Variants in NPFFR1 observed in about 807,000 individuals in gnomAD.
NPFFR1 encodes neuropeptide FF receptor 1, also known as G-protein coupled receptor 147.
A neutral mutation model predicts 12.7 loss-of-function variants in NPFFR1; 17 were observed. That is an observed-to-expected ratio of 1.34 (90% CI 0.92 to 2.01). The LOEUF is 2.01. NPFFR1 is among the 30% of genes most tolerant of loss of function. The pLI, the probability that NPFFR1 is intolerant of heterozygous loss-of-function variation, is 0.00. For synonymous variants in NPFFR1, 296 were observed against 264.5 expected (o/e 1.12, Z -1.16); for missense variants, 604 against 606.5 (o/e 1.00, Z 0.04).
chr10:70,266,102 G>A lies in NPFFR1; in HGVS notation c.297C>T (p.Thr99=), dbSNP rs1376380439. 3.7e-6 allele frequency: 6 copies of A among 1,613,952 alleles called. No homozygotes were observed. The highest frequency in any genetic ancestry group is 1.7e-5 in the Admixed American group (1 of 60,026). The change falls in exon 2 of 4, where the codon ACC becomes ACT. Residue 99 remains threonine, a synonymous_variant. Coordinates refer to ENST00000277942, the MANE Select transcript of NPFFR1 (RefSeq NM_022146.5). ...DLLVGIFCMP[T]TLVDNLITGW... ...CAGTGATGAGGTTGTCCACAAGGGT[G>A]GTGGGCATGCAGAAGATGCCCACCA... is the stretch of plus-strand genomic sequence containing the variant.
At chr10:70,280,385 A>G (rs2136812310) in intron 1 of NPFFR1, among the ~76,000 whole-genome samples, 1 of 152,254 alleles carries the variant, frequency 6.6e-6, no homozygotes, top group South Asian at 2.1e-4. Context: ...ATCTCCAACA[A>G]CACTTACTTA....
In NPFFR1 at chr10:70,266,220, C is replaced by G; in HGVS notation, c.179G>C (p.Gly60Ala). The G allele has an allele frequency of 1.2e-6, 2 of 1,613,938 alleles. No individual in the cohort carries two copies. The highest frequency in any genetic ancestry group is 1.3e-5 in the African/African-American group (1 of 75,026). The change falls in exon 2 of 4, where the codon GGC (glycine) becomes GCC (alanine). Residue 60 changes from glycine to alanine, a missense_variant. Coordinates refer to ENST00000277942, the MANE Select transcript of NPFFR1 (RefSeq NM_022146.5). ...CACGATGAAACAGACCAGGGTGTTG[C>G]CCACCATGCAGAGCAGGAAGATGAG... ...YALIFLLCMV[G>A]NTLVCFIVLK...
chr10:70,259,530 G>C (rs895538352), intron 3 of NPFFR1, among the ~76,000 whole-genome samples: 3 of 152,138 alleles, frequency 2.0e-5, no homozygotes, highest in Admixed American at 6.6e-5. Context: ...ATGAAGGGAA[G>C]GGACTTCTCC....
intron 3 of NPFFR1, among the ~76,000 whole-genome samples, chr10:70,257,425 T>C (rs191354454): frequency 2.0e-5 from 3 of 152,370 alleles, no homozygotes; most frequent in Admixed American, 6.5e-5. Flanking sequence ...GTGCAGGACA[T>C]GCCTTGTTAA....
At chr10:70,275,907 G>T (rs1043291499) in intron 1 of NPFFR1, among the ~76,000 whole-genome samples, 1 of 152,172 alleles carries the variant, frequency 6.6e-6, no homozygotes, top group Non-Finnish European at 1.5e-5. Flanking sequence ...CTTGCTCTAA[G>T]AATACAGCAT....
At chr10:70,272,301 C>G (rs1200619916) in intron 1 of NPFFR1, among the ~76,000 whole-genome samples, 1 of 151,942 alleles carries the variant, frequency 6.6e-6, no homozygotes, top group Non-Finnish European at 1.5e-5. Context: ...ATGAGCTTAA[C>G]CCAGAATCAG....
At chr10:70,283,590 G>T in intron 1 of NPFFR1, 80 bp downstream of exon 1, 1 of 1,343,804 alleles carries the variant, frequency 7.4e-7, no homozygotes, top group Non-Finnish European at 1.0e-6. Flanking sequence ...CAGCTGCCCG[G>T]CCCTCTCCTC....
At chr10:70,279,585 G>A (rs1840838608) in intron 1 of NPFFR1, among the ~76,000 whole-genome samples, 1 of 151,800 alleles carries the variant, frequency 6.6e-6, no homozygotes, top group Non-Finnish European at 1.5e-5. Flanking sequence ...TCAGCTTCCC[G>A]AGTAGCTGGG....
intron 1 of NPFFR1, among the ~76,000 whole-genome samples, chr10:70,270,424 G>C (rs1840734223): frequency 6.6e-6 from 1 of 152,214 alleles, no homozygotes; most frequent in African/African-American, 2.4e-5. Context: ...GGGGGGATCT[G>C]TGGGTATGGA....
intron 3 of NPFFR1, among the ~76,000 whole-genome samples, chr10:70,259,287 C>T (rs1413857943): frequency 2.0e-5 from 3 of 147,654 alleles, no homozygotes; most frequent in South Asian, 2.1e-4. Flanking sequence ...CTGTCTCCCC[C>T]CTCAAAAAAA....
intron 1 of NPFFR1, among the ~76,000 whole-genome samples, chr10:70,279,842 C>T (rs1840841431): frequency 6.6e-6 from 1 of 152,170 alleles, no homozygotes; most frequent in Admixed American, 6.6e-5. Flanking sequence ...AAAAAGAAAA[C>T]CATTTCTTCT....
chr10:70,275,254 T>C (rs1840791973), intron 1 of NPFFR1, among the ~76,000 whole-genome samples: 1 of 152,220 alleles, frequency 6.6e-6, no homozygotes, highest in African/African-American at 2.4e-5. Context: ...GTTTTACCCA[T>C]CAAAAATTGT....
intron 1 of NPFFR1, among the ~76,000 whole-genome samples, chr10:70,267,778 TG>T (rs558494336): frequency 1.8e-3 from 281 of 152,230 alleles, no homozygotes; most frequent in Non-Finnish European, 1.8e-3. Context: ...CAATGGAGGC[TG>T]GGGGCCTGGA....
In NPFFR1 at chr10:70,255,692, C is replaced by T; in HGVS notation, c.558G>A (p.Glu186=). 1.9e-6 allele frequency: 3 copies of T among 1,605,512 alleles called. No individual in the cohort carries two copies. The highest frequency in any genetic ancestry group is 1.7e-6 in the Non-Finnish European group (2 of 1,176,332). Residue 186 remains glutamate (E), a synonymous_variant, in exon 4 of 4, where the codon GAG becomes GAA. Transcript: ENST00000277942. This position sits in a 1 kb window ranked among gnomAD's most constrained non-coding sequence, Gnocchi z 4.2. ...TGCGGGCGTCCACCATGAAGTGGTGCTCCTCACGGGTGACGGTCAGCGTGA... is the reference window on the plus strand; with the variant it reads ...TGCGGGCGTCCACCATGAAGTGGTGTTCCTCACGGGTGACGGTCAGCGTGA... ...SAVTLTVTRE[E]HHFMVDARNR... is the part of the protein sequence containing the mutation.
At chr10:70,265,987 ATC>A in intron 2 of NPFFR1, 88 bp downstream of exon 2, 1 of 1,251,320 alleles carries the variant, frequency 8.0e-7, no homozygotes, top group Non-Finnish European at 1.1e-6. Context: ...CAGCAATGAT[ATC>A]TGTCTTCTAA....
At chr10:70,272,021 G>A (rs1840748148) in intron 1 of NPFFR1, among the ~76,000 whole-genome samples, 1 of 151,814 alleles carries the variant, frequency 6.6e-6, no homozygotes, top group African/African-American at 2.4e-5. Context: ...GGAGGCTGAG[G>A]CAGGAGAGTC....
rs188476848 is a variant in NPFFR1, at chr10:70,261,441, C to A, written c.323-702G>T. On this transcript the variant is annotated intron_variant, in intron 2 of 3. Transcript: ENST00000277942. ...AGCAGCATGAGAATGGCCTAATATA[C>A]ACGGGTTTTGCTGTATTTTTAATCT... is the stretch of plus-strand genomic sequence containing the variant. Among the ~76,000 whole-genome samples, 274 of 152,298 alleles carry A rather than the reference C, an allele frequency of 1.8e-3. 3 individuals are homozygous for A. The South Asian group carries it at 0.023, about 13-fold the overall frequency.
chr10:70,260,813 C>G (rs149228459), intron 2 of NPFFR1, 74 bp from the exon 3 acceptor site: 15 of 1,284,532 alleles, frequency 1.2e-5, no homozygotes, highest in South Asian at 5.1e-5. Context: ...GCCCTCCAAG[C>G]CAGGTCCCCT....
intron 1 of NPFFR1, among the ~76,000 whole-genome samples, chr10:70,267,783 G>C (rs908329926): frequency 4.6e-5 from 7 of 152,214 alleles, no homozygotes; most frequent in African/African-American, 1.7e-4. Context: ...GAGGCTGGGG[G>C]CCTGGAGGTT....
Sources: gnomAD v4.1 joint callset for allele counts (sites outside exome capture counted in the v4.1 genomes callset) on GRCh38, gnomAD v4.1.1 for gene constraint, Gnocchi (gnomAD v3.1) non-coding constraint, MANE v1.5 for transcripts, NCBI Gene and HGNC (gene_info 2026-07-23, HGNC 2026-07-21) for gene names.